The following FGD3 variants were observed in gnomAD, a reference collection of about 807,000 sequenced individuals.
The protein encoded by FGD3 is FYVE, RhoGEF and PH domain containing 3.
FGD3 carries 45 observed loss-of-function variants against 71.8 expected under a neutral mutation model. The ratio of observed to expected loss-of-function variants is 0.63; its 90% CI spans 0.49 to 0.80. The LOEUF (loss-of-function observed/expected upper bound fraction) is 0.80. FGD3 is among the 30% of genes least tolerant of loss of function. The pLI, the probability that FGD3 is intolerant of heterozygous loss-of-function variation, is 0.00. For missense variants in FGD3, 844 were observed against 951.5 expected (o/e 0.89, Z 1.49); for synonymous variants, 378 against 392.8 (o/e 0.96, Z 0.44).
At chr9:93,016,637 A>G (rs1358176878) in intron 10 of FGD3, among the ~76,000 whole-genome samples, 1 of 125,176 alleles carries the variant, frequency 8.0e-6, no homozygotes, top group African/African-American at 3.1e-5. Context: ...CACCCAGCCT[A>G]GTCAGTCATT....
At chr9:92,959,962 C>T (rs1260028623) in intron 1 of FGD3, among the ~76,000 whole-genome samples, 4 of 151,932 alleles carry the variant, frequency 2.6e-5, no homozygotes, top group African/African-American at 9.7e-5. Flanking sequence ...TCCTCATGTC[C>T]CCATAACCTC....
chr9:92,982,931 CAA>C (rs1169578649), intron 3 of FGD3, among the ~76,000 whole-genome samples: 1 of 151,916 alleles, frequency 6.6e-6, no homozygotes, highest in Admixed American at 6.6e-5. Flanking sequence ...ACTAAAAATA[CAA>C]AAATTAGCTG....
chr9:92,967,030 C>G (rs531197373), intron 1 of FGD3, among the ~76,000 whole-genome samples: 1 of 150,812 alleles, frequency 6.6e-6, no homozygotes, highest in Admixed American at 6.6e-5. Context: ...GGAGCCATCT[C>G]GGTTCACTGC....
chr9:93,007,166 C>T (rs1861095311), intron 6 of FGD3, among the ~76,000 whole-genome samples: 1 of 151,882 alleles, frequency 6.6e-6, no homozygotes, highest in Non-Finnish European at 1.5e-5. Context: ...TCTCAGTTCA[C>T]TGTAAGCTCC....
chr9:93,032,215 C>G (rs999856683), intron 15 of FGD3, among the ~76,000 whole-genome samples: 10 of 152,174 alleles, frequency 6.6e-5, no homozygotes, highest in African/African-American at 2.4e-4. Context: ...GTACATACCC[C>G]GAGTGGAACT....
chr9:92,953,355 G>A (rs1858991542), intron 1 of FGD3, among the ~76,000 whole-genome samples: 2 of 152,154 alleles, frequency 1.3e-5, no homozygotes, highest in South Asian at 2.1e-4. Context: ...TGCCAGAGCC[G>A]CTCTGTAATT....
intron 1 of FGD3, among the ~76,000 whole-genome samples, chr9:92,962,939 C>CAAA (rs982916623): frequency 3.8e-5 from 4 of 105,992 alleles, no homozygotes; most frequent in Non-Finnish European, 4.1e-5. Flanking sequence ...GGCTCCGTCT[C>CAAA]AAAAAAAAAA....
At chr9:93,027,694 A>C (rs1207688114) in intron 14 of FGD3, among the ~76,000 whole-genome samples, 1 of 144,572 alleles carries the variant, frequency 6.9e-6, no homozygotes, top group Non-Finnish European at 1.5e-5. Context: ...CAACCAGTTC[A>C]GTTCATCTTT....
intron 1 of FGD3, among the ~76,000 whole-genome samples, chr9:92,960,354 C>T (rs769470966): frequency 4.6e-5 from 7 of 152,024 alleles, no homozygotes; most frequent in Non-Finnish European, 8.8e-5. Flanking sequence ...CCATGAGGAC[C>T]CCTCCTATCC....
chr9:92,988,515 C>T (rs938436697), intron 3 of FGD3, among the ~76,000 whole-genome samples: 5 of 152,188 alleles, frequency 3.3e-5, no homozygotes, highest in Non-Finnish European at 7.3e-5. Context: ...GGCCCCTGCT[C>T]CCCTGCTCAT....
intron 8 of FGD3, 106 bp from the exon 9 acceptor site, chr9:93,013,746 C>G: frequency 2.1e-6 from 3 of 1,424,892 alleles, no homozygotes; most frequent in Non-Finnish European, 2.9e-6. Flanking sequence ...TAGCTCATTG[C>G]CCTCTCTGGA....
chr9:92,981,917 T>C (rs111750490), intron 3 of FGD3, among the ~76,000 whole-genome samples: 1,552 of 152,292 alleles, frequency 0.01, 29 homozygotes, highest in African/African-American at 0.036. Flanking sequence ...ATACATAGAA[T>C]ATATAGTGAT....
Position 92,953,395 on chromosome 9 carries a change from G to A in FGD3, c.-218+5666G>A, listed in dbSNP as rs117124248. ...CTCCTGAGTGGAAAGCTCTCAAAAT[G>A]CCACTTGGTCTAAGAGTTTGAAGCT... On this transcript the variant is annotated intron_variant, in intron 1 of 17. Coordinates refer to ENST00000375482, the MANE Select transcript of FGD3 (RefSeq NM_001083536.2). Among the ~76,000 whole-genome samples, 664 of 152,274 alleles carry A rather than the reference G, an allele frequency of 4.4e-3. 5 individuals are homozygous for A. The highest frequency in any genetic ancestry group is 0.016 in the South Asian group (78 of 4,824).
chr9:93,026,709 C>A (rs571472434), intron 14 of FGD3, among the ~76,000 whole-genome samples: 78 of 152,364 alleles, frequency 5.1e-4, no homozygotes, highest in Admixed American at 1.1e-3. Context: ...CCTCAGAGGC[C>A]AAGCTCTTGC....
intron 15 of FGD3, chr9:93,032,437 T>C (rs947467210): frequency 2.3e-5 from 6 of 261,550 alleles, no homozygotes; most frequent in Non-Finnish European, 4.5e-5. Context: ...GGTTATGAAT[T>C]TGATTTGCGT....
At chr9:92,962,302 G>A (rs1859182454) in intron 1 of FGD3, among the ~76,000 whole-genome samples, 1 of 152,230 alleles carries the variant, frequency 6.6e-6, no homozygotes, top group Non-Finnish European at 1.5e-5. Flanking sequence ...TGTATTCCTA[G>A]TGTACCTGGG....
intron 12 of FGD3, among the ~76,000 whole-genome samples, chr9:93,020,086 G>A (rs1564167140): frequency 6.6e-6 from 1 of 152,180 alleles, no homozygotes; most frequent in Non-Finnish European, 1.5e-5. Context: ...ACATGAGCGG[G>A]CCTGGTGGAG....
intron 6 of FGD3, among the ~76,000 whole-genome samples, chr9:93,008,685 C>T (rs775224689): frequency 2.6e-5 from 4 of 152,188 alleles, no homozygotes; most frequent in Admixed American, 6.5e-5. Context: ...GTTTCTTGGC[C>T]GCTTGTGGTA....
In FGD3 at chr9:92,972,973, A is replaced by C. The variant is rs1242404323; in HGVS notation, c.-217-2265A>C. ...TCTCCACGTCTCTACTGGATTTTAG[A>C]ACATAGGATGACACAGACATGATAG... On this transcript the variant is annotated intron_variant, in intron 1 of 17. Coordinates refer to ENST00000375482, the MANE Select transcript of FGD3 (RefSeq NM_001083536.2). Among the ~76,000 whole-genome samples, 3 of 152,118 alleles carry C rather than the reference A, an allele frequency of 2.0e-5. No individual in the cohort carries two copies. In the East Asian group the frequency reaches 5.8e-4, roughly 29 times the overall value.
Sources: gnomAD v4.1 joint callset for allele counts (sites outside exome capture counted in the v4.1 genomes callset) on GRCh38, gnomAD v4.1.1 for gene constraint, MANE v1.5 for transcripts, NCBI Gene and HGNC (gene_info 2026-07-23, HGNC 2026-07-21) for gene names.